Variants in SHTN1 observed in about 807,000 individuals in gnomAD.
SHTN1 encodes the protein shootin 1, also known as shootin-1.
In SHTN1, 42 loss-of-function variants were observed where a neutral mutation model predicts 83.1. That is an observed-to-expected ratio of 0.51 (90% CI 0.39 to 0.65). SHTN1 has a LOEUF of 0.65. Ranked by LOEUF, SHTN1 falls within the 30% of genes least tolerant of loss-of-function variation. The pLI is 0.00. For missense variants in SHTN1, 622 were observed against 737.8 expected (o/e 0.84, Z 1.82); for synonymous variants, 224 against 247.7 (o/e 0.90, Z 0.90).
At chr10:117,037,569 G>A (rs1852516742) in intron 2 of SHTN1, among the ~76,000 whole-genome samples, 1 of 152,146 alleles carries the variant, frequency 6.6e-6, no homozygotes, top group South Asian at 2.1e-4. Context: ...AGCTTATAAA[G>A]AGAGGCAAAA....
chr10:117,091,394 C>T (rs982766928), intron 1 of SHTN1, among the ~76,000 whole-genome samples: 1 of 152,204 alleles, frequency 6.6e-6, no homozygotes, highest in African/African-American at 2.4e-5. Context: ...AAAAGGAAAG[C>T]TCTGGAAATC....
intron 1 of SHTN1, among the ~76,000 whole-genome samples, chr10:117,088,790 C>T (rs1255936922): frequency 6.6e-6 from 1 of 152,192 alleles, no homozygotes; most frequent in Non-Finnish European, 1.5e-5. Context: ...CACTCTGGTA[C>T]TAACTTGCCT....
chr10:117,064,027 CTT>C (rs1232968381), intron 1 of SHTN1, among the ~76,000 whole-genome samples: 1 of 152,148 alleles, frequency 6.6e-6, no homozygotes, highest in Admixed American at 6.5e-5. Context: ...AACTGAATAA[CTT>C]TATGAAAACT....
chr10:117,038,340 A>G (rs947716826), intron 2 of SHTN1, among the ~76,000 whole-genome samples: 3 of 149,926 alleles, frequency 2.0e-5, no homozygotes, highest in Non-Finnish European at 3.0e-5. Flanking sequence ...AGGTCTCACT[A>G]TGTTGCCCAG....
intron 1 of SHTN1, among the ~76,000 whole-genome samples, chr10:117,109,520 T>C (rs892751122): frequency 6.7e-5 from 3 of 44,452 alleles, no homozygotes; most frequent in Non-Finnish European, 2.5e-4. Context: ...TTTATACTTT[T>C]ATAAAATTTT....
intron 2 of SHTN1, among the ~76,000 whole-genome samples, chr10:117,033,995 C>G (rs911675920): frequency 2.0e-5 from 3 of 151,018 alleles, no homozygotes; most frequent in Admixed American, 6.6e-5. Flanking sequence ...GAGAAAAACT[C>G]TAAAAAACCG....
intron 1 of SHTN1, among the ~76,000 whole-genome samples, chr10:116,997,909 G>A (rs182969973): frequency 1.6e-4 from 25 of 152,254 alleles, no homozygotes; most frequent in African/African-American, 5.3e-4. Context: ...TGGCTAACAC[G>A]GTGAAACACT....
intron 1 of SHTN1, among the ~76,000 whole-genome samples, chr10:117,070,099 G>A (rs1272468422): frequency 3.5e-5 from 5 of 144,836 alleles, no homozygotes; most frequent in Non-Finnish European, 6.1e-5. Context: ...TAAAAGCCAT[G>A]GGAAAGTCTT....
intron 2 of SHTN1, among the ~76,000 whole-genome samples, chr10:117,040,542 T>C (rs904161980): frequency 1.6e-4 from 25 of 152,222 alleles, no homozygotes; most frequent in African/African-American, 5.3e-4. Context: ...CCAGTAATTA[T>C]ACCAAATGTA....
At chr10:117,044,006 G>A (rs1438343070) in intron 2 of SHTN1, among the ~76,000 whole-genome samples, 2 of 152,130 alleles carry the variant, frequency 1.3e-5, no homozygotes, top group Non-Finnish European at 2.9e-5. Flanking sequence ...CCAGGAGACA[G>A]CTTAGTTCTA....
chr10:116,963,263 G>A (rs1177252129), intron 3 of SHTN1, among the ~76,000 whole-genome samples: 3 of 149,954 alleles, frequency 2.0e-5, no homozygotes, highest in South Asian at 2.2e-4. Context: ...TAGTAGAGAC[G>A]GGGTTTCACC....
At chr10:116,888,411 TGA>T (rs372590538) in intron 16 of SHTN1, among the ~76,000 whole-genome samples, 103 of 152,320 alleles carry the variant, frequency 6.8e-4, no homozygotes, top group African/African-American at 2.3e-3. Flanking sequence ...CCTTAGGGAA[TGA>T]GAGGCACTAG....
chr10:117,097,775 A>G (rs947716811), intron 1 of SHTN1, among the ~76,000 whole-genome samples: 1 of 152,208 alleles, frequency 6.6e-6, no homozygotes, highest in Non-Finnish European at 1.5e-5. Context: ...CTTTAACACC[A>G]TAATTATTAA....
intron 9 of SHTN1, among the ~76,000 whole-genome samples, chr10:116,931,721 G>A (rs1848975853): frequency 6.6e-6 from 1 of 151,916 alleles, no homozygotes; most frequent in Admixed American, 6.6e-5. Context: ...AAAAAATCAA[G>A]GCATAAAATA....
At chr10:117,094,473 T>C (rs534047755) in intron 1 of SHTN1, among the ~76,000 whole-genome samples, 2 of 152,320 alleles carry the variant, frequency 1.3e-5, no homozygotes, top group South Asian at 4.1e-4. Context: ...GTCTGGAGTT[T>C]CACAGGGGTA....
chr10:116,992,745 T>C (rs1312969538), intron 1 of SHTN1, among the ~76,000 whole-genome samples: 1 of 152,204 alleles, frequency 6.6e-6, no homozygotes, highest in Non-Finnish European at 1.5e-5. Flanking sequence ...CTGTCTGTCC[T>C]GGAGGAAACC....
chr10:117,113,054 C>G (rs1853790050), intron 1 of SHTN1, among the ~76,000 whole-genome samples: 1 of 152,114 alleles, frequency 6.6e-6, no homozygotes, highest in African/African-American at 2.4e-5. Context: ...GCATGAATTC[C>G]TGGTAGATTT....
upstream of SHTN1, among the ~76,000 whole-genome samples, chr10:117,008,255 G>A (rs372308706): frequency 2.0e-5 from 3 of 152,012 alleles, no homozygotes; most frequent in Non-Finnish European, 4.4e-5. Context: ...GGGGGTTGGA[G>A]TGTGAAAGTG....
upstream of SHTN1, chr10:117,005,467 C>T: frequency 9.7e-7 from 1 of 1,031,536 alleles, no homozygotes; most frequent in Non-Finnish European, 1.2e-6. Flanking sequence ...GACTCAGGGA[C>T]GCGAGTTCAG....
Sources: gnomAD v4.1 joint callset for allele counts (sites outside exome capture counted in the v4.1 genomes callset) on GRCh38, gnomAD v4.1.1 for gene constraint, MANE v1.5 for transcripts, NCBI Gene and HGNC (gene_info 2026-07-23, HGNC 2026-07-21) for gene names.